Variants in RAP1A observed in about 807,000 individuals in gnomAD.
RAP1A encodes the protein ras-related protein Rap-1A.
A neutral mutation model predicts 26.4 loss-of-function variants in RAP1A; 6 were observed. The observed-to-expected ratio is 0.23, with a 90% confidence interval of 0.12 to 0.45. The LOEUF is 0.45. RAP1A is among the 20% of genes least tolerant of loss of function. The probability of loss-of-function intolerance (pLI) is 0.99; values close to 1 mark genes in which losing one functional copy is unlikely to be tolerated. For missense variants in RAP1A, 121 were observed against 217.2 expected (o/e 0.56, Z 2.78); for synonymous variants, 73 against 79.4 (o/e 0.92, Z 0.43).
chr1:111,602,919 T>C (rs1658699476), intron 1 of RAP1A, among the ~76,000 whole-genome samples: 1 of 152,154 alleles, frequency 6.6e-6, no homozygotes, highest in South Asian at 2.1e-4. Context: ...TGATGCATCA[T>C]TATCAAGGGA....
intron 1 of RAP1A, among the ~76,000 whole-genome samples, chr1:111,645,131 G>T (rs1212603528): frequency 7.4e-6 from 1 of 134,458 alleles, no homozygotes; most frequent in Non-Finnish European, 1.6e-5. Flanking sequence ...AAAATAATTT[G>T]CAATTTAAAG....
chr1:111,693,757 GAGA>G (rs1407059403), intron 2 of RAP1A, among the ~76,000 whole-genome samples: 5 of 152,116 alleles, frequency 3.3e-5, no homozygotes, highest in African/African-American at 4.8e-5. Flanking sequence ...AAACTTATGA[GAGA>G]AGAAGAAGAG....
At chr1:111,704,517 A>G (rs764512342) in intron 6 of RAP1A, 31 bp downstream of exon 6, 1 of 1,550,898 alleles carries the variant, frequency 6.4e-7, no homozygotes, top group Non-Finnish European at 8.7e-7. Flanking sequence ...AGCACAAACA[A>G]GTGCCTTTTT....
At position 111,708,862 on chromosome 1, in the gene RAP1A, T is replaced by G. The variant is rs181050375; in HGVS notation, c.469-287T>G. On this transcript the variant is annotated intron_variant, in intron 6 of 7. Transcript: ENST00000369709. ...TAGAACCGAAGTTGTTGGTACTATTTTTGCAACTTTTCCGTTGGTTTGGAG... is the reference window on the plus strand; with the variant it reads ...TAGAACCGAAGTTGTTGGTACTATTGTTGCAACTTTTCCGTTGGTTTGGAG... 3.6e-3 allele frequency among the ~76,000 whole-genome samples: 552 copies of G among 152,282 alleles called. 5 individuals carry two copies. The highest frequency in any genetic ancestry group is 0.01 in the Middle Eastern group (3 of 294).
chr1:111,593,791 C>CA (rs1014000518), intron 1 of RAP1A, among the ~76,000 whole-genome samples: 30 of 147,612 alleles, frequency 2.0e-4, no homozygotes, highest in South Asian at 6.4e-4. Context: ...TAATCTGTCA[C>CA]AAAAAAAACC....
rs74868687 is a variant in RAP1A at position 111,572,595 on chromosome 1, G to A, written c.-28+30086G>A. On this transcript the variant is annotated intron_variant, in intron 1 of 7. Coordinates refer to the RAP1A transcript ENST00000356415. ...CGAAGTTTCACCACCCCATCAATCT[G>A]CTCTGATTCCGAAGTTAGACCTATT... Among the ~76,000 whole-genome samples, 199 of 152,270 alleles carry A rather than the reference G, an allele frequency of 1.3e-3. 7 individuals carry two copies. In the East Asian group the frequency reaches 0.024, roughly 18 times the overall value.
At chr1:111,609,040 C>G (rs2101078592) in intron 1 of RAP1A, among the ~76,000 whole-genome samples, 1 of 152,294 alleles carries the variant, frequency 6.6e-6, no homozygotes, top group Middle Eastern at 3.4e-3. Flanking sequence ...TTAAAGTCAG[C>G]AAATGAGCAT....
At chr1:111,610,747 T>A (rs1429764998) in intron 1 of RAP1A, among the ~76,000 whole-genome samples, 1 of 152,228 alleles carries the variant, frequency 6.6e-6, no homozygotes, top group Non-Finnish European at 1.5e-5. Flanking sequence ...GCTTTAATCT[T>A]CCTGTAAGGC....
intron 7 of RAP1A, among the ~76,000 whole-genome samples, chr1:111,710,842 CT>C (rs57576807): frequency 4.0e-5 from 6 of 151,706 alleles, no homozygotes; most frequent in African/African-American, 1.5e-4. Flanking sequence ...AACTTTTTTT[CT>C]TTTTTTTGAG....
chr1:111,687,955 C>T (rs1355492677), intron 1 of RAP1A, among the ~76,000 whole-genome samples: 1 of 132,194 alleles, frequency 7.6e-6, no homozygotes, highest in Non-Finnish European at 1.5e-5. Flanking sequence ...AGCTTGGGAT[C>T]TTGGGTGAGC....
chr1:111,688,258 A>G (rs1446914918), intron 1 of RAP1A, among the ~76,000 whole-genome samples: 2 of 145,848 alleles, frequency 1.4e-5, no homozygotes, highest in Non-Finnish European at 3.0e-5. Context: ...ATAGCTTCAC[A>G]AGAAGTCTGT....
intron 2 of RAP1A, among the ~76,000 whole-genome samples, chr1:111,693,984 A>C (rs570156941): frequency 2.6e-5 from 4 of 151,150 alleles, no homozygotes; most frequent in African/African-American, 7.3e-5. Context: ...AACCTCCTAC[A>C]CTTAAGCAAT....
At chr1:111,573,498 C>G (rs74480566) in intron 1 of RAP1A, among the ~76,000 whole-genome samples, 1,833 of 152,182 alleles carry the variant, frequency 0.012, 25 homozygotes, top group African/African-American at 0.042. Flanking sequence ...CAATGCCTGG[C>G]TAATTTTTGT....
chr1:111,695,821 T>TA (rs1383251054), intron 3 of RAP1A, among the ~76,000 whole-genome samples: 21 of 152,228 alleles, frequency 1.4e-4, no homozygotes, highest in Admixed American at 1.1e-3. Flanking sequence ...ACCAAAAAAT[T>TA]AGAGTCTGTG....
chr1:111,629,685 A>C (rs1207262079), intron 1 of RAP1A, among the ~76,000 whole-genome samples: 1 of 152,160 alleles, frequency 6.6e-6, no homozygotes, highest in Non-Finnish European at 1.5e-5. Flanking sequence ...TTAATAAGCA[A>C]ATGTAACTCA....
At chr1:111,664,398 A>C (rs1405501907) in intron 1 of RAP1A, among the ~76,000 whole-genome samples, 1 of 132,862 alleles carries the variant, frequency 7.5e-6, no homozygotes, top group African/African-American at 2.7e-5. Flanking sequence ...AAAAAAAAAA[A>C]CAAAAAACAA....
At chr1:111,580,724 G>A (rs904864714) in intron 1 of RAP1A, among the ~76,000 whole-genome samples, 6 of 152,106 alleles carry the variant, frequency 3.9e-5, no homozygotes, top group Non-Finnish European at 5.9e-5. Context: ...GCAGGTGCCT[G>A]TAATCCCAGC....
At chr1:111,656,673 A>G (rs1660470636) in intron 1 of RAP1A, among the ~76,000 whole-genome samples, 1 of 152,246 alleles carries the variant, frequency 6.6e-6, no homozygotes, top group East Asian at 1.9e-4. Context: ...TTCCTCTTTG[A>G]AATATTTTCT....
At chr1:111,559,339 A>G (rs1481751497) in intron 1 of RAP1A, among the ~76,000 whole-genome samples, 3 of 152,194 alleles carry the variant, frequency 2.0e-5, no homozygotes, top group African/African-American at 7.2e-5. Context: ...CATTAAACTA[A>G]TGTTTATTGA....
Sources: gnomAD v4.1 joint callset for allele counts (sites outside exome capture counted in the v4.1 genomes callset) on GRCh38, gnomAD v4.1.1 for gene constraint, MANE v1.5 for transcripts, NCBI Gene and HGNC (gene_info 2026-07-23, HGNC 2026-07-21) for gene names.